Variants in LAMA1 observed in about 807,000 individuals in gnomAD.
LAMA1 encodes the protein laminin subunit alpha-1.
LAMA1 carries 219 observed loss-of-function variants against 348.7 expected under a neutral mutation model. The ratio of observed to expected loss-of-function variants is 0.63; its 90% CI spans 0.56 to 0.70. The LOEUF (loss-of-function observed/expected upper bound fraction) is 0.70, where lower values mean the gene tolerates loss of function less well. LAMA1 is among the 30% of genes least tolerant of loss of function. LAMA1 has a pLI of 0.00. For missense variants in LAMA1, 3,744 were observed against 3,888.0 expected, an observed-to-expected ratio of 0.96 and a Z score of 0.99; for synonymous variants, 1,487 against 1,491.0, an observed-to-expected ratio of 1.00 and a Z score of 0.06.
At chr18:6,963,954 A>T (rs2057620770) in intron 51 of LAMA1, 1 of 152,624 alleles carries the variant, frequency 6.6e-6, no homozygotes, top group South Asian at 2.1e-4. Flanking sequence ...ACTTGCACAT[A>T]CATTATTCAG....
chr18:6,985,410 G>T lies in LAMA1; in HGVS notation c.5497-10C>A. On this transcript the variant is annotated splice_polypyrimidine_tract_variant and intron_variant, in intron 38 of 62. Coordinates refer to ENST00000389658, the MANE Select transcript of LAMA1 (RefSeq NM_005559.4). ...GGTGATCCTCTAAGTGCTACATGGA[G>T]AAATTAATATTGTAAATATATGCAC... 2 of 1,614,106 alleles carry T rather than the reference G, an allele frequency of 1.2e-6. No homozygotes were observed. The highest frequency in any genetic ancestry group is 1.7e-6 in the Non-Finnish European group (2 of 1,179,936).
At chr18:6,988,525 C>A (rs550795967) in intron 36 of LAMA1, among the ~76,000 whole-genome samples, 1 of 152,182 alleles carries the variant, frequency 6.6e-6, no homozygotes, top group Admixed American at 6.5e-5. Context: ...TTTGGTCGGG[C>A]GCAGTGGCTC....
At chr18:6,995,148 G>C (rs1323966983) in intron 34 of LAMA1, among the ~76,000 whole-genome samples, 1 of 152,212 alleles carries the variant, frequency 6.6e-6, no homozygotes, top group East Asian at 1.9e-4. Flanking sequence ...GATGACAACA[G>C]ACATTAAGTC....
At chr18:6,942,811 A>T (rs2143957787) in intron 62 of LAMA1, among the ~76,000 whole-genome samples, 2 of 152,336 alleles carry the variant, frequency 1.3e-5, no homozygotes, top group African/African-American at 4.8e-5. Flanking sequence ...TGGAACATCT[A>T]AAATACATAA....
intron 11 of LAMA1, among the ~76,000 whole-genome samples, chr18:7,038,053 T>C (rs1274962898): frequency 2.6e-5 from 4 of 152,188 alleles, no homozygotes; most frequent in Admixed American, 6.5e-5. Context: ...AAGAACATCA[T>C]AAATGCATTC....
rs553986447 is a variant in LAMA1 at position 7,034,112 on chromosome 18, T to A, written c.2051+367A>T. Among the ~76,000 whole-genome samples, 6 of 152,308 alleles carry A rather than the reference T, an allele frequency of 3.9e-5. No individual in the cohort carries two copies. In the East Asian group the frequency reaches 5.8e-4, roughly 15 times the overall value. On this transcript the variant is annotated intron_variant, in intron 14 of 62. Coordinates refer to ENST00000389658, the MANE Select transcript of LAMA1 (RefSeq NM_005559.4). ...CCGAAAGTAATCAAATGACCAACGA[T>A]GGATACGTTCACTTAAATGGACTGA... is the stretch of plus-strand genomic sequence containing the variant.
rs768305947 is a variant in LAMA1, at chr18:6,951,008, C to T, written c.8208-37G>A. On this transcript the variant is annotated intron_variant, in intron 57 of 62. Transcript: ENST00000389658. ...AAGTGCTCAGCGTTGAGAAAGGAAA[C>T]TTTTACTTTTCATTTTTAAAACCTC... 24 of 1,583,698 alleles carry T rather than the reference C, an allele frequency of 1.5e-5. No homozygotes were observed. In the Admixed American group the frequency reaches 4.1e-4, roughly 27 times the overall value.
intron 3 of LAMA1, among the ~76,000 whole-genome samples, chr18:7,059,133 A>G (rs1598301048): frequency 2.0e-5 from 3 of 152,056 alleles, no homozygotes; most frequent in Admixed American, 1.3e-4. Flanking sequence ...CAGGTGATCC[A>G]CCTGCCTCGG....
intron 1 of LAMA1, among the ~76,000 whole-genome samples, chr18:7,110,620 G>A (rs574907392): frequency 1.7e-4 from 26 of 152,198 alleles, no homozygotes; most frequent in Middle Eastern, 3.4e-3. Context: ...TCAGGAGTTC[G>A]AGACCAGCCT....
At chr18:6,945,063 A>C (rs978661030) in intron 61 of LAMA1, among the ~76,000 whole-genome samples, 2 of 152,180 alleles carry the variant, frequency 1.3e-5, no homozygotes, top group Admixed American at 1.3e-4. Context: ...TCTAAATAAA[A>C]TATTTTTCAA....
intron 1 of LAMA1, among the ~76,000 whole-genome samples, chr18:7,112,071 A>AT (rs11368320): frequency 6.6e-6 from 1 of 152,084 alleles, no homozygotes; most frequent in Non-Finnish European, 1.5e-5. Flanking sequence ...TCTAAAATAT[A>AT]TTTTTTAAAA....
rs1467436764 is a variant in LAMA1, at chr18:6,986,122, G to A, written c.5379+15C>T. 6.2e-7 allele frequency: 1 copy of A among 1,613,328 alleles called. No homozygotes were observed. Among genetic ancestry groups the A allele is most frequent in the Non-Finnish European group, 8.5e-7 (1 of 1,179,288 alleles). ...ACCTGTTCTAATTGAGAAGGAGAGAGCAAGTGAGACTCACACTGAATTCTC... is the reference window on the plus strand; with the variant it reads ...ACCTGTTCTAATTGAGAAGGAGAGAACAAGTGAGACTCACACTGAATTCTC... On this transcript the variant is annotated intron_variant, in intron 37 of 62. Transcript: ENST00000389658.
intron 48 of LAMA1, among the ~76,000 whole-genome samples, chr18:6,971,242 G>C (rs946355440): frequency 6.6e-6 from 1 of 152,152 alleles, no homozygotes; most frequent in Non-Finnish European, 1.5e-5. Flanking sequence ...TGTTGCACTT[G>C]GTAAGGTTAA....
chr18:7,082,684 T>C (rs1001578284), intron 1 of LAMA1, among the ~76,000 whole-genome samples: 3 of 152,232 alleles, frequency 2.0e-5, no homozygotes, highest in African/African-American at 7.2e-5. Context: ...TTTTAAACTA[T>C]AGCGTTTTGT....
intron 3 of LAMA1, among the ~76,000 whole-genome samples, chr18:7,056,594 CCTGCGTG>C (rs1472149078): frequency 6.6e-6 from 1 of 152,134 alleles, no homozygotes; most frequent in African/African-American, 2.4e-5. Flanking sequence ...CTTCAGCCAC[CCTGCGTG>C]CTGCCTGCCC....
chr18:7,078,316 G>A lies in LAMA1; in HGVS notation c.345+1659C>T, dbSNP rs575914461. On this transcript the variant is annotated intron_variant, in intron 3 of 62. Coordinates refer to ENST00000389658, the MANE Select transcript of LAMA1 (RefSeq NM_005559.4). The stretch of plus-strand genomic sequence containing the variant: ...CGAGTAGCTGGGACTACAGGCGCCT[G>A]CCACCACGCCCAGCTAATTTTTTGT... Among the ~76,000 whole-genome samples the A allele has an allele frequency of 2.7e-3, 401 of 151,186 alleles. 2 individuals are homozygous for A. Among genetic ancestry groups the A allele is most frequent in the African/African-American group, 9.2e-3 (382 of 41,318 alleles).
intron 19 of LAMA1, among the ~76,000 whole-genome samples, chr18:7,020,341 G>A (rs1354442469): frequency 6.6e-6 from 1 of 152,096 alleles, no homozygotes; most frequent in Non-Finnish European, 1.5e-5. Context: ...GGGGGTGAGG[G>A]GAAACAGATA....
At chr18:7,106,399 C>T (rs1421146492) in intron 1 of LAMA1, among the ~76,000 whole-genome samples, 4 of 149,100 alleles carry the variant, frequency 2.7e-5, no homozygotes, top group African/African-American at 9.9e-5. Flanking sequence ...CTCACTCTGT[C>T]GCCAGGCTGG....
rs748558407 is a variant in LAMA1 at position 6,985,616 on chromosome 18, GTTC to G, written c.5404_5406del (p.Glu1802del). 1.3e-5 allele frequency: 21 copies of G among 1,613,974 alleles called. No individual in the cohort carries two copies. The highest frequency in any genetic ancestry group is 2.2e-5 in the South Asian group (2 of 91,068). On this transcript the variant is annotated inframe_deletion, in exon 38 of 63. Coordinates refer to ENST00000389658, the MANE Select transcript of LAMA1 (RefSeq NM_005559.4). ...ACAATGAGCTCTGAGGTCAGATTTT[GTTC>G]TTCTTGAACATGCAGCTTTTTATCC...
Sources: allele counts gnomAD v4.1 joint callset (sites outside exome capture counted in the v4.1 genomes callset), GRCh38; gene constraint gnomAD v4.1.1; transcripts MANE v1.5; gene names NCBI Gene and HGNC (gene_info 2026-07-23, HGNC 2026-07-21).